The following ESR1 variants were observed in gnomAD, a reference collection of about 807,000 sequenced individuals.
ESR1 encodes estrogen receptor 1, also known as estrogen receptor.
In ESR1, 12 loss-of-function variants were observed where a neutral mutation model predicts 52.7. That is an observed-to-expected ratio of 0.23 (90% CI 0.15 to 0.37). The LOEUF (loss-of-function observed/expected upper bound fraction) is 0.37, where lower values mean the gene tolerates loss of function less well. Among genes scored for constraint, ESR1 ranks in the 10% least tolerant of loss-of-function variants. The pLI is 1.00. For missense variants in ESR1, 584 were observed against 779.7 expected, an observed-to-expected ratio of 0.75 and a Z score of 2.99; for synonymous variants, 305 against 316.8, an observed-to-expected ratio of 0.96 and a Z score of 0.39.
At chr6:151,836,965 G>A (rs1297689399) in intron 1 of ESR1, among the ~76,000 whole-genome samples, 1 of 152,070 alleles carries the variant, frequency 6.6e-6, no homozygotes, top group Non-Finnish European at 1.5e-5. Context: ...GTTATTTATG[G>A]TTGGAAAAAC....
chr6:151,749,647 C>A (rs184584185), intron 2 of ESR1, among the ~76,000 whole-genome samples: 2 of 152,300 alleles, frequency 1.3e-5, no homozygotes, highest in Non-Finnish European at 2.9e-5. Context: ...CTTCTAGTTG[C>A]AGGGTAGACT....
intron 6 of ESR1, among the ~76,000 whole-genome samples, chr6:152,121,310 A>G (rs1406154406): frequency 6.6e-6 from 1 of 152,192 alleles, no homozygotes; most frequent in African/African-American, 2.4e-5. Context: ...AAGGAATCTG[A>G]ACAGAAGTGT....
intron 3 of ESR1, among the ~76,000 whole-genome samples, chr6:151,899,233 G>A (rs1159714150): frequency 2.1e-5 from 3 of 142,110 alleles, no homozygotes; most frequent in Non-Finnish European, 4.6e-5. Context: ...CCCGGACTGG[G>A]CAGCTGGCCA....
intron 2 of ESR1, among the ~76,000 whole-genome samples, chr6:151,785,180 A>G (rs1250523380): frequency 6.6e-6 from 1 of 152,218 alleles, no homozygotes; most frequent in Non-Finnish European, 1.5e-5. Flanking sequence ...TGGCCATCAC[A>G]GTGACCAAGA....
chr6:151,736,375 G>GTTCTCTTTTTTT (rs748276035), intron 2 of ESR1, among the ~76,000 whole-genome samples: 1 of 112,742 alleles, frequency 8.9e-6, no homozygotes, highest in Admixed American at 9.2e-5. Context: ...TCCAGGTAGT[G>GTTCTCTTTTTTT]TTTTTTTTTT....
At chr6:151,871,805 T>C (rs1335804964) in intron 2 of ESR1, among the ~76,000 whole-genome samples, 2 of 152,222 alleles carry the variant, frequency 1.3e-5, no homozygotes, top group Non-Finnish European at 2.9e-5. Flanking sequence ...CTATTCTAGG[T>C]ACGTCATGTA....
intron 3 of ESR1, among the ~76,000 whole-genome samples, chr6:151,925,132 G>GTTTGTTTGTTTT (rs746521243): frequency 0.022 from 3,150 of 143,844 alleles, 59 homozygotes; most frequent in East Asian, 0.094. Flanking sequence ...GGTTTTTTTT[G>GTTTGTTTGTTTT]TTTGTTTGTT....
At chr6:151,849,006 C>G (rs942480947) in intron 2 of ESR1, among the ~76,000 whole-genome samples, 7 of 152,082 alleles carry the variant, frequency 4.6e-5, no homozygotes, top group African/African-American at 1.7e-4. Flanking sequence ...CTCAGGATCT[C>G]AGCACATGTG....
At chr6:151,716,610 C>T (rs1034517755) in intron 2 of ESR1, among the ~76,000 whole-genome samples, 1 of 152,168 alleles carries the variant, frequency 6.6e-6, no homozygotes, top group African/African-American at 2.4e-5. Context: ...TTTGAACTTC[C>T]TGGTGGCTTT....
chr6:151,879,564 G>A (rs948936675), intron 2 of ESR1, among the ~76,000 whole-genome samples: 1 of 152,076 alleles, frequency 6.6e-6, no homozygotes, highest in African/African-American at 2.4e-5. Context: ...TTGAGGGAGA[G>A]AGAGTCAATC....
chr6:151,759,204 G>A (rs1486071828), intron 2 of ESR1, among the ~76,000 whole-genome samples: 1 of 150,326 alleles, frequency 6.7e-6, no homozygotes, highest in Non-Finnish European at 1.5e-5. Context: ...GAACACGGGA[G>A]GCAGAGGTTG....
Position 152,053,280 on chromosome 6 carries a change from G to A in ESR1, c.1236-7711G>A, listed in dbSNP as rs902404949. Among the ~76,000 whole-genome samples the A allele has an allele frequency of 4.0e-5, 6 of 151,242 alleles. No individual in the cohort carries two copies. The highest frequency in any genetic ancestry group is 4.2e-4 in the South Asian group (2 of 4,762). The stretch of plus-strand genomic sequence containing the variant: ...CCTTCTGACATTCAACATCTTGGTC[G>A]CTCCTATCCAGCCACACCTCTGACC... On this transcript the variant is annotated intron_variant, in intron 5 of 7. Coordinates refer to ENST00000206249, the MANE Select transcript of ESR1 (RefSeq NM_000125.4). The surrounding 1 kb of genome is among the most constrained non-coding windows in gnomAD (Gnocchi z 4.1).
At chr6:151,978,638 C>T (rs1429545051) in intron 4 of ESR1, among the ~76,000 whole-genome samples, 5 of 151,932 alleles carry the variant, frequency 3.3e-5, no homozygotes, top group Admixed American at 3.3e-4. Context: ...AAAGGTCTAT[C>T]GCAGTTAAAG....
At position 151,852,629 on chromosome 6, in the gene ESR1, C is replaced by T. The variant is rs1208922517; in HGVS notation, c.643+9842C>T. On this transcript the variant is annotated intron_variant, in intron 2 of 7. Transcript: ENST00000206249. ...CATTTTTATGATGTCCAAACAAGAA[C>T]CAAGCAGGTGTTTTTTTTTTTTTTT... is the stretch of plus-strand genomic sequence containing the variant. 2.8e-5 allele frequency among the ~76,000 whole-genome samples: 4 copies of T among 145,090 alleles called. No individual in the cohort carries two copies. The Middle Eastern group carries it at 0.015, about 554-fold the overall frequency.
chr6:151,765,656 A>T (rs1784994099), intron 2 of ESR1, among the ~76,000 whole-genome samples: 1 of 152,134 alleles, frequency 6.6e-6, no homozygotes, highest in Non-Finnish European at 1.5e-5. Flanking sequence ...CTAAAACTAC[A>T]TGGAGGAGTT....
At chr6:152,079,838 G>A (rs1185079270) in intron 6 of ESR1, among the ~76,000 whole-genome samples, 1 of 152,328 alleles carries the variant, frequency 6.6e-6, no homozygotes, top group Non-Finnish European at 1.5e-5. Flanking sequence ...AGAACTTCGT[G>A]ATGTATGCAC....
At chr6:151,869,004 CCCAAAGCA>C (rs1401769504) in intron 2 of ESR1, among the ~76,000 whole-genome samples, 1 of 152,042 alleles carries the variant, frequency 6.6e-6, no homozygotes, top group Non-Finnish European at 1.5e-5. Flanking sequence ...TCTATTTTCT[CCCAAAGCA>C]CCAAAATGGC....
chr6:151,690,341 A>C (rs1778854815), upstream of ESR1, among the ~76,000 whole-genome samples: 1 of 152,218 alleles, frequency 6.6e-6, no homozygotes, highest in South Asian at 2.1e-4. Context: ...CTTCTTGAAC[A>C]TCCATCTTAA....
At chr6:151,799,080 C>T (rs1171646415) in intron 2 of ESR1, among the ~76,000 whole-genome samples, 1 of 152,134 alleles carries the variant, frequency 6.6e-6, no homozygotes, top group Non-Finnish European at 1.5e-5. Context: ...TTCATTAAGC[C>T]ACCAATTAGT....
Sources: gnomAD v4.1 joint callset for allele counts (sites outside exome capture counted in the v4.1 genomes callset) on GRCh38, gnomAD v4.1.1 for gene constraint, Gnocchi (gnomAD v3.1) non-coding constraint, MANE v1.5 for transcripts, NCBI Gene and HGNC (gene_info 2026-07-23, HGNC 2026-07-21) for gene names.